Variants in MBTPS1 observed in about 807,000 individuals in gnomAD.
MBTPS1 encodes the protein membrane-bound transcription factor site-1 protease.
A neutral mutation model predicts 127.8 loss-of-function variants in MBTPS1; 94 were observed. That is an observed-to-expected ratio of 0.74 (90% CI 0.62 to 0.87). The LOEUF (loss-of-function observed/expected upper bound fraction) is 0.87, where lower values mean the gene tolerates loss of function less well. MBTPS1 is among the 40% of genes least tolerant of loss of function. The probability of loss-of-function intolerance (pLI) is 0.00; values close to 1 mark genes in which losing one functional copy is unlikely to be tolerated. For synonymous variants in MBTPS1, 632 were observed against 509.4 expected, an observed-to-expected ratio of 1.24 and a Z score of -3.24; for missense variants, 1,636 against 1,353.2, an observed-to-expected ratio of 1.21 and a Z score of -3.28.
chr16:84,114,677 A>G (rs2086444877), intron 1 of MBTPS1, among the ~76,000 whole-genome samples: 1 of 151,610 alleles, frequency 6.6e-6, no homozygotes, highest in Non-Finnish European at 1.5e-5. Flanking sequence ...TAAAAATACA[A>G]AAATTAGCCG....
At chr16:84,074,885 C>A (rs182505285) in intron 11 of MBTPS1, 144 bp from the exon 12 acceptor site, 7,148 of 681,424 alleles carry the variant, frequency 0.01, 59 homozygotes, top group Non-Finnish European at 0.014. Flanking sequence ...CATCTGGGAA[C>A]TTGGCTCTGG....
In MBTPS1 at chr16:84,109,922, G is replaced by A. The variant is rs138795503; in HGVS notation, c.-325+6813C>T. 2.2e-3 allele frequency among the ~76,000 whole-genome samples: 328 copies of A among 152,268 alleles called. 2 individuals are homozygous for A. The highest frequency in any genetic ancestry group is 3.8e-3 in the Non-Finnish European group (257 of 68,014). On this transcript the variant is annotated intron_variant, in intron 1 of 22. Coordinates refer to ENST00000343411, the MANE Select transcript of MBTPS1 (RefSeq NM_003791.4). The stretch of plus-strand genomic sequence containing the variant: ...TGGAAAATACACCCACTAAAACACC[G>A]GGGGATAATGGAGTATCAGGTCTGC...
intron 2 of MBTPS1, among the ~76,000 whole-genome samples, chr16:84,101,117 G>A (rs928109069): frequency 2.0e-5 from 3 of 151,906 alleles, no homozygotes; most frequent in Admixed American, 6.6e-5. Flanking sequence ...TGGCCAATGT[G>A]GTGAAACCCC....
chr16:84,063,566 A>G, intron 18 of MBTPS1, 121 bp from the exon 19 acceptor site: 1 of 956,216 alleles, frequency 1.0e-6, no homozygotes. Context: ...TTCAATTAAA[A>G]CATTGCAAAT....
Position 84,074,750 on chromosome 16 carries a change from A to C in MBTPS1, c.1449-9T>G. 2.5e-6 allele frequency: 4 copies of C among 1,612,300 alleles called. No homozygotes were observed. The highest frequency in any genetic ancestry group is 3.4e-6 in the Non-Finnish European group (4 of 1,178,970). On this transcript the variant is annotated splice_polypyrimidine_tract_variant and intron_variant, in intron 11 of 22. Coordinates refer to ENST00000343411, the MANE Select transcript of MBTPS1 (RefSeq NM_003791.4). ...TGTAGCTGGGGCTCAAACTGAAATA[A>C]AGAATACAGTGTTAGAGTAGATCAT... is the stretch of plus-strand genomic sequence containing the variant.
At chr16:84,068,566 G>C in intron 14 of MBTPS1, 112 bp from the exon 15 acceptor site, 1 of 725,498 alleles carries the variant, frequency 1.4e-6, no homozygotes, top group South Asian at 1.6e-5. Flanking sequence ...CCACAGAGAA[G>C]GCCTGGATGG....
At chr16:84,084,154 T>C (rs2085984163) in intron 10 of MBTPS1, among the ~76,000 whole-genome samples, 1 of 152,172 alleles carries the variant, frequency 6.6e-6, no homozygotes, top group South Asian at 2.1e-4. Flanking sequence ...AGACAGGGTT[T>C]CACCATGTTG....
intron 21 of MBTPS1, chr16:84,058,076 G>C (rs1259454692): frequency 1.3e-5 from 2 of 152,238 alleles, no homozygotes; most frequent in Non-Finnish European, 2.9e-5. Flanking sequence ...AAACTTATCA[G>C]AAATGTTTAA....
chr16:84,076,628 C>T (rs1350555224), intron 11 of MBTPS1, among the ~76,000 whole-genome samples: 1 of 152,038 alleles, frequency 6.6e-6, no homozygotes, highest in Non-Finnish European at 1.5e-5. Context: ...ATAAAATCAA[C>T]CAGTTAGAGA....
intron 1 of MBTPS1, among the ~76,000 whole-genome samples, chr16:84,115,535 ATAT>A (rs1297775409): frequency 6.6e-6 from 1 of 152,260 alleles, no homozygotes. Context: ...ATACAACTGA[ATAT>A]TATTTGGTCA....
intron 1 of MBTPS1, among the ~76,000 whole-genome samples, chr16:84,105,115 T>C (rs1024657037): frequency 6.7e-6 from 1 of 149,936 alleles, no homozygotes; most frequent in Non-Finnish European, 1.5e-5. Context: ...AAAAAAAAAA[T>C]AAATAAATGA....
At chr16:84,079,894 C>T (rs2085914807) in intron 11 of MBTPS1, among the ~76,000 whole-genome samples, 1 of 152,184 alleles carries the variant, frequency 6.6e-6, no homozygotes, top group Admixed American at 6.5e-5. Flanking sequence ...GTCCGAAGAG[C>T]GCAGTAACCA....
At chr16:84,116,535 C>A (rs1042080174) in intron 1 of MBTPS1, among the ~76,000 whole-genome samples, 200 bp downstream of exon 1, 1 of 152,230 alleles carries the variant, frequency 6.6e-6, no homozygotes, top group African/African-American at 2.4e-5. Context: ...TGCCGGAGCG[C>A]GCAGACCCCC....
chr16:84,067,279 T>C (rs1409276118), intron 16 of MBTPS1, among the ~76,000 whole-genome samples: 5 of 152,302 alleles, frequency 3.3e-5, no homozygotes, highest in South Asian at 4.1e-4. Context: ...ACAGTACTCA[T>C]ACTCAATAAA....
intron 13 of MBTPS1, 58 bp downstream of exon 13, chr16:84,070,530 C>T (rs1486704810): frequency 4.1e-5 from 65 of 1,570,908 alleles, no homozygotes; most frequent in Middle Eastern, 2.3e-4. Context: ...GCCTGTCCCT[C>T]CCTGAAAGGT....
At chr16:84,085,199 A>G in intron 9 of MBTPS1, 65 bp from the exon 10 acceptor site, 1 of 1,495,540 alleles carries the variant, frequency 6.7e-7, no homozygotes. Context: ...TGCAATCATG[A>G]GTGAATCAAA....
At position 84,101,996 on chromosome 16, in the gene MBTPS1, T is replaced by C; in HGVS notation, c.-213A>G. On this transcript the variant is annotated 5_prime_UTR_variant, in exon 2 of 23. An upstream start codon of the reference 5' UTR is lost. Coordinates refer to ENST00000343411, the MANE Select transcript of MBTPS1 (RefSeq NM_003791.4). ...CATTTCTTTCTCCGCTTCTTCTCCA[T>C]CTTGGAAATAAGGCTTCTCTCACTC... 1 of 533,946 alleles carries C rather than the reference T, an allele frequency of 1.9e-6. No homozygotes were observed. The highest frequency in any genetic ancestry group is 3.3e-6 in the Non-Finnish European group (1 of 299,104). 33.1% of individuals were successfully genotyped at this position (533,946 alleles called of 1,614,324 possible). A position where few individuals can be genotyped will look rare whatever the true frequency, so the allele number is the denominator to read the frequency against.
intron 10 of MBTPS1, among the ~76,000 whole-genome samples, chr16:84,083,945 G>A (rs534043422): frequency 1.1e-4 from 17 of 152,150 alleles, no homozygotes; most frequent in Admixed American, 7.2e-4. Flanking sequence ...TGGTCTACTC[G>A]CTTGGAGAAC....
At chr16:84,096,018 T>C (rs1457729173) in intron 3 of MBTPS1, among the ~76,000 whole-genome samples, 5 of 152,158 alleles carry the variant, frequency 3.3e-5, no homozygotes, top group Non-Finnish European at 7.3e-5. Context: ...AATAGTTCTC[T>C]ACTTGAAATT....
Sources: gnomAD v4.1 joint callset for allele counts (sites outside exome capture counted in the v4.1 genomes callset) on GRCh38, gnomAD v4.1.1 for gene constraint, MANE v1.5 for transcripts, NCBI Gene and HGNC (gene_info 2026-07-23, HGNC 2026-07-21) for gene names.